Variants in GTPBP1 observed in about 807,000 individuals in gnomAD.
GTPBP1 encodes the protein GTP binding protein 1.
Under a neutral mutation model 62.0 loss-of-function variants are expected in GTPBP1, and 23 were observed. The ratio of observed to expected loss-of-function variants is 0.37; its 90% CI spans 0.27 to 0.53. GTPBP1 has a LOEUF of 0.53. Ranked by LOEUF, GTPBP1 falls within the 20% of genes least tolerant of loss-of-function variation. GTPBP1 has a pLI of 0.89. For missense variants in GTPBP1, 640 were observed against 917.3 expected, an observed-to-expected ratio of 0.70 and a Z score of 3.90; for synonymous variants, 344 against 364.4, an observed-to-expected ratio of 0.94 and a Z score of 0.64.
chr22:38,738,275 G>A (rs760261407), downstream of GTPBP1: 7 of 1,611,346 alleles, frequency 4.3e-6, no homozygotes, highest in African/African-American at 2.7e-5. The surrounding 1 kb of genome is among the most constrained non-coding windows in gnomAD (Gnocchi z 6.6). Flanking sequence ...CCTGCAAAGA[G>A]AGCGGAGGGA....
At chr22:38,723,199 A>G in intron 5 of GTPBP1, 2 of 1,000,932 alleles carry the variant, frequency 2.0e-6, no homozygotes, top group South Asian at 1.3e-5. Flanking sequence ...GGTGAAATCC[A>G]AAGGATAGAA....
downstream of GTPBP1, chr22:38,735,158 C>G (rs1222553825): frequency 2.3e-6 from 1 of 437,716 alleles, no homozygotes; most frequent in Admixed American, 2.7e-5. Context: ...TCCCCTCCTC[C>G]CCCTTCCCTA....
At chr22:38,714,831 A>G (rs58916881) in intron 2 of GTPBP1, among the ~76,000 whole-genome samples, 10,003 of 152,170 alleles carry the variant, frequency 0.066, 709 homozygotes, top group African/African-American at 0.17. Context: ...GACAGCTGGG[A>G]AAGGCTGAGG....
chr22:38,718,576 C>T (rs754134631), intron 4 of GTPBP1, among the ~76,000 whole-genome samples: 3 of 152,086 alleles, frequency 2.0e-5, no homozygotes, highest in Non-Finnish European at 4.4e-5. Flanking sequence ...CACAGGAAGA[C>T]GTCGGGAAGA....
At chr22:38,743,071 T>C (rs1170440274), downstream of GTPBP1, 1 of 152,742 alleles carries the variant, frequency 6.5e-6, no homozygotes, top group Non-Finnish European at 1.5e-5. Flanking sequence ...CCTCTTTAGC[T>C]GGATGTCCCA....
chr22:38,729,807 G>T, intron 11 of GTPBP1, 145 bp downstream of exon 11: 1 of 513,672 alleles, frequency 1.9e-6, no homozygotes, highest in South Asian at 5.5e-5. Context: ...TCCTAAGAAT[G>T]AGGCATTTGT....
downstream of GTPBP1, chr22:38,739,281 C>G (rs2092833825): frequency 5.1e-6 from 8 of 1,565,708 alleles, no homozygotes; most frequent in Non-Finnish European, 7.0e-6. This position sits in a 1 kb window ranked among gnomAD's most constrained non-coding sequence, Gnocchi z 6.7. Context: ...CTGGTAGATG[C>G]CAGGGGACCG....
chr22:38,730,645 G>C lies in GTPBP1; in HGVS notation c.1951G>C (p.Gly651Arg), dbSNP rs777941305. The C allele has an allele frequency of 1.9e-5, 30 of 1,606,422 alleles. No homozygotes were observed. Among genetic ancestry groups the C allele is most frequent in the Non-Finnish European group, 2.5e-5 (30 of 1,179,262 alleles). Residue 651 changes from glycine (G) to arginine (R), a missense_variant, in exon 12 of 12, where the codon GGC becomes CGC. Transcript: ENST00000216044. The surrounding 1 kb of genome is among the most constrained non-coding windows in gnomAD (Gnocchi z 5.6). The stretch of plus-strand genomic sequence containing the variant: ...CAGCAGTGGAGGCCGGCGACGAGGG[G>C]GCCAGCGCCACAAGGTGAAGTCCCA... ...KPSSGGRRRG[G>R]QRHKVKSQGA...
At chr22:38,734,265 C>T, downstream of GTPBP1, 1 of 464,866 alleles carries the variant, frequency 2.2e-6, no homozygotes, top group South Asian at 1.6e-5. Flanking sequence ...AAGGTCAGGG[C>T]CTGTTTTTCT....
At chr22:38,738,322 C>A, downstream of GTPBP1, 1 of 1,441,190 alleles carries the variant, frequency 6.9e-7, no homozygotes, top group East Asian at 2.3e-5. The surrounding 1 kb of genome is among the most constrained non-coding windows in gnomAD (Gnocchi z 6.6). Context: ...ACACCCCTCC[C>A]CACTCCAATC....
chr22:38,742,518 T>A (rs754013682), downstream of GTPBP1: 3 of 1,613,018 alleles, frequency 1.9e-6, no homozygotes, highest in East Asian at 6.7e-5. Context: ...CAGACGCCGC[T>A]CCAGAGAGTG....
intron 10 of GTPBP1, chr22:38,729,164 C>G (rs2092742588): frequency 3.7e-6 from 1 of 266,870 alleles, no homozygotes; most frequent in Non-Finnish European, 7.0e-6. Context: ...TCACCAATTT[C>G]TCTGCAGGAA....
intron 11 of GTPBP1, among the ~76,000 whole-genome samples, chr22:38,729,934 C>A (rs886897666): frequency 6.6e-6 from 1 of 152,198 alleles, no homozygotes; most frequent in South Asian, 2.1e-4. Context: ...AGAAAAATGT[C>A]GAAGCTTCCC....
chr22:38,739,311 C>T (rs374637439), downstream of GTPBP1: 232 of 1,610,476 alleles, frequency 1.4e-4, 1 homozygote, highest in Non-Finnish European at 1.9e-4. The surrounding 1 kb of genome is among the most constrained non-coding windows in gnomAD (Gnocchi z 6.7). Context: ...GGGTCCAGGA[C>T]AAGGCAGAGC....
In GTPBP1 at chr22:38,726,529, T is replaced by G; in HGVS notation, c.1401+89T>G. ...CCCTGCTCACCCACTCTAGTCCTCATGGCTGCTCTGCAAGGTCGGGATTAC... is the reference window on the plus strand; with the variant it reads ...CCCTGCTCACCCACTCTAGTCCTCAGGGCTGCTCTGCAAGGTCGGGATTAC... On this transcript the variant is annotated intron_variant, in intron 8 of 11. Transcript: ENST00000216044. The surrounding 1 kb of genome is among the most constrained non-coding windows in gnomAD (Gnocchi z 4.1). 9.0e-7 allele frequency: 1 copy of G among 1,114,002 alleles called. No individual in the cohort carries two copies. The highest frequency in any genetic ancestry group is 1.3e-6 in the Non-Finnish European group (1 of 751,870). 69.0% of individuals were successfully genotyped at this position (1,114,002 alleles called of 1,614,324 possible).
At chr22:38,739,373 G>T, downstream of GTPBP1, 1 of 1,613,128 alleles carries the variant, frequency 6.2e-7, no homozygotes, top group Non-Finnish European at 8.5e-7. This position sits in a 1 kb window ranked among gnomAD's most constrained non-coding sequence, Gnocchi z 6.7. Flanking sequence ...CTGCCAGCCC[G>T]ATGCGGTCCT....
downstream of GTPBP1, chr22:38,738,206 C>G (rs758483512): frequency 6.2e-7 from 1 of 1,614,002 alleles, no homozygotes; most frequent in East Asian, 2.2e-5. This position sits in a 1 kb window ranked among gnomAD's most constrained non-coding sequence, Gnocchi z 6.6. Flanking sequence ...GCTCGCCGTC[C>G]TGATCGTAAG....
chr22:38,711,515 AT>A (rs1410853684), intron 2 of GTPBP1, among the ~76,000 whole-genome samples: 1 of 152,120 alleles, frequency 6.6e-6, no homozygotes, highest in Non-Finnish European at 1.5e-5. Context: ...TGCAGTAATA[AT>A]TTTTTTAAGG....
downstream of GTPBP1, chr22:38,733,658 T>C (rs1405333110): frequency 6.6e-6 from 1 of 152,434 alleles, no homozygotes; most frequent in East Asian, 1.9e-4. Flanking sequence ...AGGCCTGTGA[T>C]GGTGGGATGG....
Sources: allele counts gnomAD v4.1 joint callset (sites outside exome capture counted in the v4.1 genomes callset), GRCh38; gene constraint gnomAD v4.1.1; non-coding constraint Gnocchi (gnomAD v3.1); transcripts MANE v1.5; gene names NCBI Gene and HGNC (gene_info 2026-07-23, HGNC 2026-07-21).